SSPN: variants seen among roughly 807,000 people sequenced by gnomAD.
The protein encoded by SSPN is K-ras oncogene-associated protein.
Under a neutral mutation model 19.1 loss-of-function variants are expected in SSPN, and 15 were observed. The observed-to-expected ratio is 0.78, with a 90% CI of 0.52 to 1.21. The LOEUF (loss-of-function observed/expected upper bound fraction) is 1.21, where lower values mean the gene tolerates loss of function less well. SSPN is among the 50% of genes most tolerant of loss of function. The probability of loss-of-function intolerance (pLI) is 0.00; values close to 1 mark genes in which losing one functional copy is unlikely to be tolerated. For synonymous variants in SSPN, 147 were observed against 140.3 expected (o/e 1.05, Z -0.34); for missense variants, 291 against 314.0 (o/e 0.93, Z 0.55).
chr12:26,123,113 T>C (rs1282773595), intron 1 of SSPN: 8 of 1,609,700 alleles, frequency 5.0e-6, no homozygotes, highest in Non-Finnish European at 6.8e-6. Flanking sequence ...ATGTTTGAAA[T>C]CCCGAGTGGA....
chr12:26,158,683 G>A (rs1333828163), intron 1 of SSPN, among the ~76,000 whole-genome samples: 1 of 152,270 alleles, frequency 6.6e-6, no homozygotes, highest in African/African-American at 2.4e-5. Context: ...ACACACAGCT[G>A]AGGTGCCTCA....
At chr12:26,170,396 AG>A (rs1282858145) in intron 1 of SSPN, among the ~76,000 whole-genome samples, 2 of 152,224 alleles carry the variant, frequency 1.3e-5, no homozygotes, top group East Asian at 3.8e-4. Context: ...GATGGCTCTA[AG>A]TAAGAACTGT....
At chr12:26,220,175 A>G (rs1363576122) in intron 1 of SSPN, among the ~76,000 whole-genome samples, 1 of 151,686 alleles carries the variant, frequency 6.6e-6, no homozygotes, top group Non-Finnish European at 1.5e-5. Context: ...CTACCCTTCT[A>G]AAACATGCTT....
intron 1 of SSPN, among the ~76,000 whole-genome samples, chr12:26,185,015 C>A (rs547970785): frequency 6.6e-6 from 1 of 152,228 alleles, no homozygotes; most frequent in South Asian, 2.1e-4. Context: ...CCCCTGCTGT[C>A]TCTAAACAGA....
At chr12:26,147,267 G>GTT (rs1272390154) in intron 1 of SSPN, among the ~76,000 whole-genome samples, 1 of 132,220 alleles carries the variant, frequency 7.6e-6, no homozygotes, top group Non-Finnish European at 1.7e-5. Context: ...AATTTTTGGG[G>GTT]TTTTTTTTGT....
chr12:26,172,369 C>T (rs1944658388), intron 1 of SSPN, among the ~76,000 whole-genome samples: 1 of 152,124 alleles, frequency 6.6e-6, no homozygotes, highest in African/African-American at 2.4e-5. Flanking sequence ...AAATATCCAC[C>T]CTTGCTCACT....
At chr12:26,184,166 G>T (rs543341761) in intron 1 of SSPN, among the ~76,000 whole-genome samples, 20 of 152,328 alleles carry the variant, frequency 1.3e-4, no homozygotes, top group African/African-American at 4.6e-4. Context: ...TCTAAAGCCT[G>T]CAGATGACAA....
intron 1 of SSPN, among the ~76,000 whole-genome samples, chr12:26,189,730 A>G (rs1286387906): frequency 6.6e-6 from 1 of 152,086 alleles, no homozygotes; most frequent in African/African-American, 2.4e-5. Context: ...CCTCCTGTTC[A>G]TTCTTAAACT....
At chr12:26,126,512 C>T (rs1944365760) in intron 1 of SSPN, 1 of 152,248 alleles carries the variant, frequency 6.6e-6, no homozygotes, top group African/African-American at 2.4e-5. Flanking sequence ...GGGGCGCCCG[C>T]TACGTGTCCC....
At chr12:26,132,480 C>T (rs1337468952) in intron 1 of SSPN, among the ~76,000 whole-genome samples, 2 of 152,216 alleles carry the variant, frequency 1.3e-5, no homozygotes, top group Non-Finnish European at 2.9e-5. Context: ...AACAGCTCTA[C>T]TTCTCTAGTA....
intron 1 of SSPN, among the ~76,000 whole-genome samples, chr12:26,145,212 A>G (rs1944483017): frequency 6.6e-6 from 1 of 152,192 alleles, no homozygotes; most frequent in Non-Finnish European, 1.5e-5. Context: ...TCCTTCCTCA[A>G]GACTTAACTG....
intron 1 of SSPN, among the ~76,000 whole-genome samples, chr12:26,135,743 A>G (rs943269503): frequency 6.6e-6 from 1 of 152,188 alleles, no homozygotes; most frequent in Admixed American, 6.5e-5. Flanking sequence ...ACGTTTGCCA[A>G]ATATAGCCCC....
intron 1 of SSPN, among the ~76,000 whole-genome samples, chr12:26,206,462 G>A (rs1944932082): frequency 1.3e-5 from 2 of 152,004 alleles, no homozygotes; most frequent in Non-Finnish European, 2.9e-5. Flanking sequence ...TATGCACTGT[G>A]CTATTTAATA....
intron 1 of SSPN, among the ~76,000 whole-genome samples, chr12:26,223,773 G>A (rs1316765330): frequency 2.0e-5 from 3 of 152,160 alleles, no homozygotes; most frequent in East Asian, 1.9e-4. Flanking sequence ...ACAATATAAA[G>A]CCCTTAGAAG....
At chr12:26,203,166 C>G (rs1430028197) in intron 1 of SSPN, among the ~76,000 whole-genome samples, 3 of 152,180 alleles carry the variant, frequency 2.0e-5, no homozygotes, top group Admixed American at 2.0e-4. Context: ...GATTACAATT[C>G]AAGAGAGATT....
At position 26,190,049 on chromosome 12, in the gene SSPN, C is replaced by T. The variant is rs967940387; in HGVS notation, c.-30-34244C>T. ...AGAAAGGAATCATGAGGTTTACCAA[C>T]GTTTAAGAGATCAGCAAAGGAAGAA... On this transcript the variant is annotated intron_variant, in intron 1 of 2. Coordinates refer to the SSPN transcript ENST00000538142. 4.6e-5 allele frequency among the ~76,000 whole-genome samples: 7 copies of T among 152,232 alleles called. 1 individual carries two copies. The highest frequency in any genetic ancestry group is 4.2e-4 in the South Asian group (2 of 4,818).
chr12:26,189,137 A>G (rs1051175584), intron 1 of SSPN, among the ~76,000 whole-genome samples: 74 of 152,164 alleles, frequency 4.9e-4, no homozygotes, highest in African/African-American at 1.6e-3. Flanking sequence ...AGAGTACTTC[A>G]TAGCCTATAA....
chr12:26,168,193 A>G (rs1028007837), intron 1 of SSPN, among the ~76,000 whole-genome samples: 4 of 148,718 alleles, frequency 2.7e-5, no homozygotes, highest in Non-Finnish European at 5.9e-5. Context: ...AGCCTGGGCA[A>G]CAGAGTGAGA....
chr12:26,194,811 A>AT (rs1194914224), upstream of SSPN, among the ~76,000 whole-genome samples: 1 of 152,144 alleles, frequency 6.6e-6, no homozygotes, highest in African/African-American at 2.4e-5. Context: ...ACATAATGAG[A>AT]TCCCATCTCT....
Sources: gnomAD v4.1 joint callset for allele counts (sites outside exome capture counted in the v4.1 genomes callset) on GRCh38, gnomAD v4.1.1 for gene constraint, MANE v1.5 for transcripts, NCBI Gene and HGNC (gene_info 2026-07-23, HGNC 2026-07-21) for gene names.